Variants in SOS1 observed in about 807,000 individuals in gnomAD.
SOS1 encodes the protein SOS Ras/Rac guanine nucleotide exchange factor 1.
Under a neutral mutation model 157.6 loss-of-function variants are expected in SOS1, and 25 were observed. That is an observed-to-expected ratio of 0.16 (90% confidence interval 0.12 to 0.22). The LOEUF is 0.22. SOS1 is among the 10% of genes least tolerant of loss of function. The pLI is 1.00. For missense variants in SOS1, 1,237 were observed against 1,599.1 expected (o/e 0.77, Z 3.86); for synonymous variants, 528 against 534.0 (o/e 0.99, Z 0.16).
chr2:39,012,458 A>G (rs1669499198), intron 13 of SOS1, 110 bp from the exon 14 acceptor site: 1 of 414,758 alleles, frequency 2.4e-6, no homozygotes, highest in African/African-American at 2.1e-5. Context: ...TCTTTGCTAT[A>G]AAAAGTTCAA....
chr2:39,036,730 C>G (rs6544188), intron 6 of SOS1, among the ~76,000 whole-genome samples: 136,333 of 151,650 alleles, frequency 0.9, 61,288 homozygotes, highest in Non-Finnish European at 0.93. Context: ...TCCGCCACCA[C>G]GCCCGGCTAT....
At chr2:39,054,561 C>A in intron 5 of SOS1, 53 bp downstream of exon 5, 1 of 1,027,272 alleles carries the variant, frequency 9.7e-7, no homozygotes, top group South Asian at 1.3e-5. Flanking sequence ...TTGAAGTGGT[C>A]ATGCAAATTT....
Position 38,984,469 on chromosome 2 carries a change from G to C in SOS1, c.*1355C>G, listed in dbSNP as rs531042601. 7.3e-5 allele frequency: 11 copies of C among 151,016 alleles called. No individual in the cohort carries two copies. Among genetic ancestry groups the C allele is most frequent in the African/African-American group, 2.5e-4 (10 of 40,368 alleles). 9.4% of individuals were successfully genotyped at this position (151,016 alleles called of 1,614,324 possible). On this transcript the variant is annotated 3_prime_UTR_variant, in exon 23 of 23. Coordinates refer to ENST00000402219, the MANE Select transcript of SOS1 (RefSeq NM_005633.4). ...TGTTCAATATAAACCTTAACAAACT[G>C]TATACTTGTTGCTTAGGAACTTAAA... is the stretch of plus-strand genomic sequence containing the variant.
intron 1 of SOS1, among the ~76,000 whole-genome samples, chr2:39,095,779 T>C (rs1322975349): frequency 1.3e-5 from 2 of 152,206 alleles, no homozygotes; most frequent in South Asian, 2.1e-4. Flanking sequence ...GTTTTAACAA[T>C]GAAGCAGGAA....
chr2:39,068,443 CTGT>C (rs917121121), intron 1 of SOS1, among the ~76,000 whole-genome samples: 2 of 152,186 alleles, frequency 1.3e-5, no homozygotes, highest in African/African-American at 4.8e-5. Context: ...GGGCCTCTGA[CTGT>C]TGTTTAACTT....
intron 8 of SOS1, among the ~76,000 whole-genome samples, chr2:39,027,366 C>G (rs1230974606): frequency 6.6e-6 from 1 of 152,118 alleles, no homozygotes; most frequent in Non-Finnish European, 1.5e-5. Context: ...GCCACAAACC[C>G]AAAGTACATT....
At chr2:39,007,265 T>G (rs1669310729) in intron 15 of SOS1, 72 bp from the exon 16 acceptor site, 7 of 983,908 alleles carry the variant, frequency 7.1e-6, no homozygotes, top group South Asian at 6.5e-5. Flanking sequence ...AAGAATTTAG[T>G]AAATAAAATA....
In SOS1 at chr2:38,989,256, C is replaced by T. The variant is rs746948756; in HGVS notation, c.3391+14G>A. 1.3e-6 allele frequency: 2 copies of T among 1,573,342 alleles called. No homozygotes were observed. The highest frequency in any genetic ancestry group is 1.7e-5 in the Admixed American group (1 of 59,810). On this transcript the variant is annotated intron_variant, in intron 21 of 22. Transcript: ENST00000402219. Reference sequence around the variant, plus strand: ...CAAAGCAAGAATTATGAGTCTTAAACCAAATATACTAACTTGGGCCATGGG... The same window carrying T: ...CAAAGCAAGAATTATGAGTCTTAAATCAAATATACTAACTTGGGCCATGGG...
intron 1 of SOS1, among the ~76,000 whole-genome samples, chr2:39,116,985 TC>T (rs2148236420): frequency 6.6e-6 from 1 of 152,228 alleles, no homozygotes; most frequent in South Asian, 2.1e-4. Context: ...CCCTGCCACT[TC>T]CCATCATGTT....
In SOS1 at chr2:39,120,582, C is replaced by T. The variant is rs1006544381; in HGVS notation, c.-160G>A. On this transcript the variant is annotated 5_prime_UTR_variant, in exon 1 of 23. Coordinates refer to ENST00000402219, the MANE Select transcript of SOS1 (RefSeq NM_005633.4). ...AGCCGGGCTAGCCCTGGCGAGGGGG[C>T]TGGGGGGCGAGGCCCGCGCCTGGCC... is the stretch of plus-strand genomic sequence containing the variant. The T allele has an allele frequency of 7.8e-5, 67 of 860,214 alleles. No individual in the cohort carries two copies. Among genetic ancestry groups the T allele is most frequent in the Middle Eastern group, 5.5e-4 (1 of 1,824 alleles). 53.3% of individuals were successfully genotyped at this position (860,214 alleles called of 1,614,324 possible).
Position 39,012,285 on chromosome 2 carries a change from C to T in SOS1, c.2231G>A (p.Arg744Lys). 1 of 1,613,454 alleles carries T rather than the reference C, an allele frequency of 6.2e-7. No homozygotes were observed. The highest frequency in any genetic ancestry group is 1.1e-5 in the South Asian group (1 of 91,054). ...TKIIQRKKIA[R>K]DNGPGHNITF... is the part of the protein sequence containing the mutation. ...AATATTATGACCTGGTCCATTGTCT[C>T]TTGCAATTTTTTTCCTTTGGATTAT... Residue 744 changes from arginine (R) to lysine (K), a missense_variant, in exon 14 of 23, where the codon AGA becomes AAA. Transcript: ENST00000402219.
intron 1 of SOS1, among the ~76,000 whole-genome samples, chr2:39,078,970 G>C (rs1672109814): frequency 1.3e-5 from 2 of 148,438 alleles, no homozygotes; most frequent in South Asian, 4.3e-4. Context: ...TGAGGCAGGA[G>C]AATTGCTTGA....
intron 1 of SOS1, 80 bp from the exon 2 acceptor site, chr2:39,067,833 T>C: frequency 7.4e-7 from 1 of 1,350,496 alleles, no homozygotes; most frequent in South Asian, 1.2e-5. Context: ...AAATGTGGGT[T>C]TGTGGCCGGG....
At chr2:39,004,849 G>A (rs879876026) in intron 17 of SOS1, among the ~76,000 whole-genome samples, 6 of 151,944 alleles carry the variant, frequency 3.9e-5, no homozygotes, top group Admixed American at 6.6e-5. Flanking sequence ...CTTAGTAGTT[G>A]TAATAATAGA....
At chr2:39,111,672 T>C (rs1048153944) in intron 1 of SOS1, among the ~76,000 whole-genome samples, 5 of 151,976 alleles carry the variant, frequency 3.3e-5, no homozygotes, top group Admixed American at 6.6e-5. Context: ...TGCAACCCAA[T>C]ACATCAACTT....
At chr2:39,121,997 G>C (rs1406123207), upstream of SOS1, among the ~76,000 whole-genome samples, 2 of 152,182 alleles carry the variant, frequency 1.3e-5, no homozygotes, top group South Asian at 4.1e-4. Context: ...ACTAGCCTGG[G>C]TTAAAGCTGA....
intron 6 of SOS1, among the ~76,000 whole-genome samples, chr2:39,040,092 A>G (rs1210725758): frequency 6.6e-6 from 1 of 151,920 alleles, no homozygotes; most frequent in East Asian, 1.9e-4. Flanking sequence ...GCTCACTGCA[A>G]GCTCCGCCTC....
intron 1 of SOS1, among the ~76,000 whole-genome samples, chr2:39,107,075 G>T (rs770775430): frequency 6.6e-6 from 1 of 151,562 alleles, no homozygotes; most frequent in Non-Finnish European, 1.5e-5. Context: ...TTCACCTTAA[G>T]GCATCCTTTT....
chr2:39,076,476 T>C (rs1479149864), intron 1 of SOS1, among the ~76,000 whole-genome samples: 1 of 152,126 alleles, frequency 6.6e-6, no homozygotes, highest in Non-Finnish European at 1.5e-5. Context: ...GACTTGGGCT[T>C]ATTTCAGGAA....
Sources: allele counts gnomAD v4.1 joint callset (sites outside exome capture counted in the v4.1 genomes callset), GRCh38; gene constraint gnomAD v4.1.1; transcripts MANE v1.5; gene names NCBI Gene and HGNC (gene_info 2026-07-23, HGNC 2026-07-21).